The following PPP2R5D variants were observed in gnomAD, a reference collection of about 807,000 sequenced individuals.
PPP2R5D encodes serine/threonine-protein phosphatase 2A 56 kDa regulatory subunit delta isoform.
A neutral mutation model predicts 79.1 loss-of-function variants in PPP2R5D; 12 were observed. The ratio of observed to expected loss-of-function variants is 0.15; its 90% CI spans 0.10 to 0.25. The LOEUF (loss-of-function observed/expected upper bound fraction) is 0.25, where lower values mean the gene tolerates loss of function less well. PPP2R5D is among the 10% of genes least tolerant of loss of function. PPP2R5D has a pLI of 1.00. For missense variants in PPP2R5D, 419 were observed against 760.2 expected (o/e 0.55, Z 5.28); for synonymous variants, 277 against 286.6 (o/e 0.97, Z 0.34).
chr6:43,007,516 C>G lies in PPP2R5D; in HGVS notation c.726+10C>G, dbSNP rs562902140. ...GAAGTTTGTACTTGCTGTGAGTCCC[C>G]GAGTTCCTGTCCTTGCCCTCTCTTT... On this transcript the variant is annotated intron_variant, in intron 6 of 15. Coordinates refer to ENST00000485511, the MANE Select transcript of PPP2R5D (RefSeq NM_006245.4). The surrounding 1 kb of genome is among the most constrained non-coding windows in gnomAD (Gnocchi z 4.5). The G allele has an allele frequency of 1.3e-6, 2 of 1,593,304 alleles. No individual in the cohort carries two copies. The highest frequency in any genetic ancestry group is 1.7e-6 in the Non-Finnish European group (2 of 1,161,094).
At chr6:42,985,308 C>G (rs1013314900) in intron 1 of PPP2R5D, among the ~76,000 whole-genome samples, 2 of 152,200 alleles carry the variant, frequency 1.3e-5, no homozygotes, top group African/African-American at 4.8e-5. Flanking sequence ...AGGACTGAGC[C>G]CTTCTGTTGA....
At chr6:42,996,704 G>A (rs997457419) in intron 2 of PPP2R5D, among the ~76,000 whole-genome samples, 2 of 151,954 alleles carry the variant, frequency 1.3e-5, no homozygotes, top group East Asian at 3.9e-4. Flanking sequence ...CTTTTTTTAT[G>A]GTATAGAATT....
At chr6:42,999,575 T>G (rs113927401) in intron 2 of PPP2R5D, among the ~76,000 whole-genome samples, 1,710 of 152,222 alleles carry the variant, frequency 0.011, 32 homozygotes, top group African/African-American at 0.038. Context: ...TTTTGTTTTG[T>G]TTTTTTCTGA....
chr6:42,998,051 A>G (rs1258215110), intron 2 of PPP2R5D, among the ~76,000 whole-genome samples: 22 of 19,070 alleles, frequency 1.2e-3, no homozygotes, highest in Non-Finnish European at 2.0e-3. Flanking sequence ...ATATATATAT[A>G]TATATATTTT....
chr6:43,009,425 G>A lies in PPP2R5D; in HGVS notation c.1355G>A (p.Arg452Lys). 4 of 1,614,132 alleles carry A rather than the reference G, an allele frequency of 2.5e-6. No homozygotes were observed. In the Admixed American group the frequency reaches 5.0e-5, roughly 20 times the overall value. The change falls in exon 12 of 16, where the codon AGG (arginine) becomes AAG (lysine). Residue 452 changes from arginine to lysine, a missense_variant. Arg to Lys is a conservative substitution (Grantham distance 26, BLOSUM62 2). This residue lies in a region of PPP2R5D where 196 missense variants were observed against 424.5 expected (regional missense o/e 0.46). Transcript: ENST00000485511. The surrounding 1 kb of genome is among the most constrained non-coding windows in gnomAD (Gnocchi z 5.6). ...CCCATCATGTTCCCTGCACTCTACA[G>A]GAACTCCAAGAGCCACTGGAACAAG... Reference protein sequence around the residue: ...VLPIMFPALYRNSKSHWNKTI... With the variant: ...VLPIMFPALYKNSKSHWNKTI...
Position 42,989,600 on chromosome 6 carries a change from T to C in PPP2R5D, c.28-11T>C, listed in dbSNP as rs755165259. Reference sequence around the variant, plus strand: ...GCATCTGCTAACTTTACTTTCATCTTTTCCTTTCAGGAGCCCCCCAAGGTT... The same window carrying C: ...GCATCTGCTAACTTTACTTTCATCTCTTCCTTTCAGGAGCCCCCCAAGGTT... On this transcript the variant is annotated splice_polypyrimidine_tract_variant and intron_variant, in intron 1 of 15. Coordinates refer to ENST00000485511, the MANE Select transcript of PPP2R5D (RefSeq NM_006245.4). 29 of 1,608,408 alleles carry C rather than the reference T, an allele frequency of 1.8e-5. No individual in the cohort carries two copies. Among genetic ancestry groups the C allele is most frequent in the Non-Finnish European group, 2.0e-5 (24 of 1,175,556 alleles).
rs375372709 is a variant in PPP2R5D at position 42,993,410 on chromosome 6, G to C, written c.105+3722G>C. The stretch of plus-strand genomic sequence containing the variant: ...TGCTTGAACCCAGGAGGCGGAGGTT[G>C]CAGTGAGAGGAGATCGTGCCATTGC... On this transcript the variant is annotated intron_variant, in intron 2 of 15. Coordinates refer to ENST00000485511, the MANE Select transcript of PPP2R5D (RefSeq NM_006245.4). 7.2e-5 allele frequency among the ~76,000 whole-genome samples: 11 copies of C among 152,338 alleles called. No homozygotes were observed. The East Asian group carries it at 1.9e-3, about 27-fold the overall frequency.
At position 43,010,611 on chromosome 6, in the gene PPP2R5D, C is replaced by T; in HGVS notation, c.1481+42C>T. ...CCGGGAGACTTTCATCTTCTACCAC[C>T]AGCTCACTGTGTTTCTCTCAAGCCC... On this transcript the variant is annotated intron_variant, in intron 13 of 15. Transcript: ENST00000485511. This position sits in a 1 kb window ranked among gnomAD's most constrained non-coding sequence, Gnocchi z 4.7. 6.2e-7 allele frequency: 1 copy of T among 1,612,670 alleles called. No homozygotes were observed. The highest frequency in any genetic ancestry group is 8.5e-7 in the Non-Finnish European group (1 of 1,178,666).
At chr6:42,989,796 C>T in intron 2 of PPP2R5D, 108 bp downstream of exon 2, 1 of 1,130,102 alleles carries the variant, frequency 8.8e-7, no homozygotes, top group South Asian at 1.4e-5. Context: ...GGAAGGCTTC[C>T]ATATCCTGGG....
intron 2 of PPP2R5D, among the ~76,000 whole-genome samples, chr6:43,000,627 G>T (rs1223304320): frequency 6.6e-6 from 1 of 152,176 alleles, no homozygotes; most frequent in Non-Finnish European, 1.5e-5. Flanking sequence ...CTCAGTGTGA[G>T]GTGTGTGGAA....
intron 1 of PPP2R5D, among the ~76,000 whole-genome samples, chr6:42,987,059 G>A (rs1383333656): frequency 6.6e-6 from 1 of 152,012 alleles, no homozygotes; most frequent in African/African-American, 2.4e-5. Flanking sequence ...CCTCTCTCCT[G>A]GCCATCTTTC....
At chr6:43,001,228 C>G (rs1772177026) in intron 2 of PPP2R5D, among the ~76,000 whole-genome samples, 1 of 152,144 alleles carries the variant, frequency 6.6e-6, no homozygotes, top group Non-Finnish European at 1.5e-5. Context: ...GATCTCAGCT[C>G]ATTGCCAAGA....
At chr6:42,998,013 A>ATT (rs1491128449) in intron 2 of PPP2R5D, among the ~76,000 whole-genome samples, 2 of 38,424 alleles carry the variant, frequency 5.2e-5, no homozygotes, top group Non-Finnish European at 5.0e-5. Context: ...TTTGGGTTTT[A>ATT]TTTATATATA....
intron 2 of PPP2R5D, among the ~76,000 whole-genome samples, chr6:43,002,670 C>G (rs914494445): frequency 6.6e-6 from 1 of 152,198 alleles, no homozygotes; most frequent in Non-Finnish European, 1.5e-5. Context: ...GGACCCGGTG[C>G]TCCTCTCCTG....
At chr6:42,999,808 G>A (rs756699616) in intron 2 of PPP2R5D, among the ~76,000 whole-genome samples, 190 of 151,762 alleles carry the variant, frequency 1.3e-3, no homozygotes, top group Middle Eastern at 0.01. Context: ...TGATCTGCCC[G>A]CCTCGGCCTC....
rs1349668334 is a variant in PPP2R5D at position 43,010,624 on chromosome 6, T to A, written c.1482-40T>A. On this transcript the variant is annotated intron_variant, in intron 13 of 15. Transcript: ENST00000485511. The surrounding 1 kb of genome is among the most constrained non-coding windows in gnomAD (Gnocchi z 4.7). Reference sequence around the variant, plus strand: ...ATCTTCTACCACCAGCTCACTGTGTTTCTCTCAAGCCCAACCCCAATCCTA... The same window carrying A: ...ATCTTCTACCACCAGCTCACTGTGTATCTCTCAAGCCCAACCCCAATCCTA... 1.9e-6 allele frequency: 3 copies of A among 1,613,578 alleles called. No individual in the cohort carries two copies. The highest frequency in any genetic ancestry group is 3.3e-5 in the Admixed American group (2 of 60,006).
intron 2 of PPP2R5D, among the ~76,000 whole-genome samples, chr6:43,003,502 A>G (rs1761888548): frequency 6.6e-6 from 1 of 152,224 alleles, no homozygotes; most frequent in Non-Finnish European, 1.5e-5. Context: ...AAGCAGTATC[A>G]TACTACACAA....
chr6:42,996,813 A>T (rs892043441), intron 2 of PPP2R5D, among the ~76,000 whole-genome samples: 1 of 152,246 alleles, frequency 6.6e-6, no homozygotes, highest in African/African-American at 2.4e-5. Context: ...TCTGGATGTC[A>T]CTACTGGAGA....
rs1458251468 is a variant in PPP2R5D at position 43,006,879 on chromosome 6, A to G, written c.323-32A>G. On this transcript the variant is annotated intron_variant, in intron 3 of 15. Transcript: ENST00000485511. This position sits in a 1 kb window ranked among gnomAD's most constrained non-coding sequence, Gnocchi z 4.7. ...GCAGGGCATCGCAGTGAAGGACTAC[A>G]GAGGAGAACCTGACTGCTGGGGCCC... is the stretch of plus-strand genomic sequence containing the variant. The G allele has an allele frequency of 1.2e-6, 2 of 1,612,286 alleles. No homozygotes were observed. The highest frequency in any genetic ancestry group is 1.7e-6 in the Non-Finnish European group (2 of 1,179,382).
Sources: allele counts gnomAD v4.1 joint callset (sites outside exome capture counted in the v4.1 genomes callset), GRCh38; gene constraint gnomAD v4.1.1; regional missense constraint gnomAD v4.1.1; non-coding constraint Gnocchi (gnomAD v3.1); transcripts MANE v1.5; gene names NCBI Gene and HGNC (gene_info 2026-07-23, HGNC 2026-07-21).